Variants in RAB11B observed in about 807,000 individuals in gnomAD.
RAB11B encodes ras-related protein Rab-11B.
Under a neutral mutation model 23.7 loss-of-function variants are expected in RAB11B, and 7 were observed. The observed-to-expected ratio is 0.29, with a 90% CI of 0.17 to 0.55. The LOEUF (loss-of-function observed/expected upper bound fraction) is 0.55. Ranked by LOEUF, RAB11B falls within the 20% of genes least tolerant of loss-of-function variation. RAB11B has a pLI of 0.93. For missense variants in RAB11B, 189 were observed against 320.0 expected, an observed-to-expected ratio of 0.59 and a Z score of 3.12; for synonymous variants, 138 against 132.0, an observed-to-expected ratio of 1.05 and a Z score of -0.31.
intron 1 of RAB11B, among the ~76,000 whole-genome samples, chr19:8,394,983 C>T (rs1971385446): frequency 6.6e-6 from 1 of 152,218 alleles, no homozygotes; most frequent in South Asian, 2.1e-4. Flanking sequence ...TAAGGCTGTA[C>T]AGCTGGGGCA....
rs1048004420 is a variant in RAB11B, at chr19:8,396,711, G to T, written c.41-3152G>T. ...TGTGTGGCTGGAGCAGAGTGAGCCGGGGGGGGGGCGGGAGGGAGGAGGGGA... is the reference window on the plus strand; with the variant it reads ...TGTGTGGCTGGAGCAGAGTGAGCCGTGGGGGGGGCGGGAGGGAGGAGGGGA... On this transcript the variant is annotated intron_variant, in intron 1 of 4. Transcript: ENST00000328024. The surrounding 1 kb of genome is among the most constrained non-coding windows in gnomAD (Gnocchi z 5.0). Among the ~76,000 whole-genome samples the T allele has an allele frequency of 5.3e-5, 7 of 132,974 alleles. No individual in the cohort carries two copies. The highest frequency in any genetic ancestry group is 1.3e-4 in the African/African-American group (5 of 38,202). The allele number at this position is 132,974 out of a possible 152,430, so 87.2% of individuals were successfully genotyped here.
chr19:8,391,433 G>A (rs1023595587), intron 1 of RAB11B, among the ~76,000 whole-genome samples: 10 of 152,232 alleles, frequency 6.6e-5, no homozygotes, highest in African/African-American at 2.2e-4. Context: ...TTCCCCGCCC[G>A]AGGGACTGAG....
chr19:8,392,925 A>G (rs1971369260), intron 1 of RAB11B, among the ~76,000 whole-genome samples: 1 of 149,854 alleles, frequency 6.7e-6, no homozygotes, highest in Non-Finnish European at 1.5e-5. Flanking sequence ...ACCTCAGGTG[A>G]TCCACCTGTC....
At chr19:8,395,851 A>G (rs1971393059) in intron 1 of RAB11B, among the ~76,000 whole-genome samples, 1 of 152,200 alleles carries the variant, frequency 6.6e-6, no homozygotes, top group African/African-American at 2.4e-5. Flanking sequence ...GGGGTAGGAC[A>G]GTGAGTGTGG....
chr19:8,393,829 C>T (rs1163002940), intron 1 of RAB11B, among the ~76,000 whole-genome samples: 2 of 152,328 alleles, frequency 1.3e-5, no homozygotes, highest in East Asian at 3.9e-4. Context: ...GGTCTGGGCC[C>T]CCAGGGCCAC....
rs765759037 is a variant in RAB11B at position 8,403,495 on chromosome 19, C to T, written c.594C>T (p.Ile198=). Reference sequence around the variant, plus strand: ...CCCCGGGGAACAACGTGGTGGACATCAGCGTGCCGCCCACCACGGACGGAC... The same window carrying T: ...CCCCGGGGAACAACGTGGTGGACATTAGCGTGCCGCCCACCACGGACGGAC... The part of the protein sequence containing the change: ...DESPGNNVVD[I]SVPPTTDGQK... Residue 198 remains isoleucine (I), a synonymous_variant, in exon 5 of 5, where the codon ATC becomes ATT. Coordinates refer to ENST00000328024, the MANE Select transcript of RAB11B (RefSeq NM_004218.4). 3.7e-6 allele frequency: 6 copies of T among 1,614,046 alleles called. No individual in the cohort carries two copies. Among genetic ancestry groups the T allele is most frequent in the Admixed American group, 1.7e-5 (1 of 60,012 alleles).
Position 8,402,093 on chromosome 19 carries a change from C to G in RAB11B, c.244C>G (p.Arg82Gly). Residue 82 changes from arginine to glycine, a missense_variant, in exon 3 of 5, where the codon CGT (arginine) becomes GGT (glycine). Around this residue, in one of 5 missense-constraint regions of RAB11B, gnomAD observed 17 missense variants for 63.0 expected, o/e 0.27. Coordinates refer to ENST00000328024, the MANE Select transcript of RAB11B (RefSeq NM_004218.4). ...GGGCCCCTGACCCTGCAGGTACTAC[C>G]GTGGTGCAGTGGGCGCCCTGCTGGT... ...RYRAITSAYY[R>G]GAVGALLVYD... The G allele has an allele frequency of 6.3e-7, 1 of 1,596,604 alleles. No homozygotes were observed. Among genetic ancestry groups the G allele is most frequent in the East Asian group, 2.3e-5 (1 of 43,968 alleles).
chr19:8,401,181 C>T (rs1436670475), intron 2 of RAB11B, among the ~76,000 whole-genome samples: 1 of 151,566 alleles, frequency 6.6e-6, no homozygotes, highest in African/African-American at 2.4e-5. Context: ...CCCAGGTTCA[C>T]GCCATTCTCC....
intron 4 of RAB11B, 80 bp from the exon 5 acceptor site, chr19:8,403,330 CTGG>C: frequency 6.5e-7 from 1 of 1,533,304 alleles, no homozygotes; most frequent in Non-Finnish European, 8.9e-7. Flanking sequence ...GAGAGGGCCT[CTGG>C]AGTCCTGCAG....
At chr19:8,400,890 C>T (rs116656141) in intron 2 of RAB11B, among the ~76,000 whole-genome samples, 2,355 of 151,870 alleles carry the variant, frequency 0.016, 75 homozygotes, top group African/African-American at 0.054. Flanking sequence ...GCCTGGCTGT[C>T]GCCTCCTCTT....
At chr19:8,402,822 C>G (rs1971449216) in intron 4 of RAB11B, 2 of 566,786 alleles carry the variant, frequency 3.5e-6, no homozygotes, top group South Asian at 4.5e-5. Context: ...GCCACCACAC[C>G]CGCTAATTTT....
intron 1 of RAB11B, among the ~76,000 whole-genome samples, chr19:8,390,924 TG>T (rs1971346063): frequency 1.8e-5 from 1 of 54,516 alleles, no homozygotes. Context: ...TTGTCCTGAT[TG>T]GGGCAGCGTG....
intron 1 of RAB11B, among the ~76,000 whole-genome samples, chr19:8,398,956 A>AT (rs1306245258): frequency 2.6e-5 from 3 of 114,828 alleles, no homozygotes; most frequent in East Asian, 2.1e-4. Context: ...TATTATTATT[A>AT]TTATTTTTTT....
chr19:8,396,824 G>T lies in RAB11B; in HGVS notation c.41-3039G>T, dbSNP rs1489321766. Among the ~76,000 whole-genome samples, 1 of 151,924 alleles carries T rather than the reference G, an allele frequency of 6.6e-6. No homozygotes were observed. The highest frequency in any genetic ancestry group is 1.5e-5 in the Non-Finnish European group (1 of 67,954). On this transcript the variant is annotated intron_variant, in intron 1 of 4. Transcript: ENST00000328024. The surrounding 1 kb of genome is among the most constrained non-coding windows in gnomAD (Gnocchi z 5.0). ...GGTTGTCTGCAGAGGAGGGAGGGAG[G>T]TGCCCTGGCTCGGCACTCACGGGCG...
At chr19:8,394,617 C>T (rs1320864449) in intron 1 of RAB11B, among the ~76,000 whole-genome samples, 1 of 152,208 alleles carries the variant, frequency 6.6e-6, no homozygotes, top group African/African-American at 2.4e-5. Flanking sequence ...GGGACCCAGC[C>T]TGGCCAAAGT....
At chr19:8,400,516 G>A (rs1273805031) in intron 2 of RAB11B, among the ~76,000 whole-genome samples, 5 of 151,188 alleles carry the variant, frequency 3.3e-5, no homozygotes, top group African/African-American at 4.9e-5. Flanking sequence ...TCCCACCACC[G>A]TCTTGAGATC....
chr19:8,400,352 C>T, intron 2 of RAB11B: 1 of 462,114 alleles, frequency 2.2e-6, no homozygotes, highest in Non-Finnish European at 4.0e-6. Flanking sequence ...CCTTCCTCCT[C>T]CCTCAGCTTC....
Position 8,400,000 on chromosome 19 carries a change from A to T in RAB11B, c.178A>T (p.Ile60Phe). ...TRSIQVDGKT[I>F]KAQIWDTAGQ... ...CAGCATCCAGGTGGACGGCAAGACC[A>T]TCAAGGCGCAGATCTGGGACACCGC... Residue 60 changes from isoleucine to phenylalanine, a missense_variant, in exon 2 of 5, where the codon ATC becomes TTC. Physicochemically the swap from Ile to Phe is conservative, Grantham distance 21. Transcript: ENST00000328024. 6.2e-7 allele frequency: 1 copy of T among 1,614,144 alleles called. No homozygotes were observed. Among genetic ancestry groups the T allele is most frequent in the Non-Finnish European group, 8.5e-7 (1 of 1,179,992 alleles).
chr19:8,390,565 G>C, intron 1 of RAB11B, 109 bp downstream of exon 1: 1 of 1,199,152 alleles, frequency 8.3e-7, no homozygotes, highest in Non-Finnish European at 1.1e-6. Context: ...CCGGGGCTTG[G>C]GGCCCGGCGG....
Sources: allele counts gnomAD v4.1 joint callset (sites outside exome capture counted in the v4.1 genomes callset), GRCh38; gene constraint gnomAD v4.1.1; regional missense constraint gnomAD v4.1.1; non-coding constraint Gnocchi (gnomAD v3.1); transcripts MANE v1.5; gene names NCBI Gene and HGNC (gene_info 2026-07-23, HGNC 2026-07-21).